The following CROCC2 variants were observed in gnomAD, a reference collection of about 807,000 sequenced individuals.
CROCC2 encodes the protein ciliary rootlet coiled-coil, rootletin family member 2, also known as ciliary rootlet coiled-coil protein 2.
A neutral mutation model predicts 177.6 loss-of-function variants in CROCC2; 163 were observed. The ratio of observed to expected loss-of-function variants is 0.92; its 90% confidence interval spans 0.81 to 1.05. The LOEUF is 1.05. CROCC2 is among the 50% of genes least tolerant of loss of function. The pLI, the probability that CROCC2 is intolerant of heterozygous loss-of-function variation, is 0.00. For missense variants in CROCC2, 1,929 were observed against 1,797.8 expected, an observed-to-expected ratio of 1.07 and a Z score of -1.32; for synonymous variants, 904 against 787.3, an observed-to-expected ratio of 1.15 and a Z score of -2.48.
chr2:240,991,175 G>T, intron 30 of CROCC2, 21 bp from the exon 31 acceptor site: 1 of 1,523,254 alleles, frequency 6.6e-7, no homozygotes, highest in South Asian at 1.3e-5. Flanking sequence ...CACCTGACCT[G>T]AGCCACTGTC....
intron 21 of CROCC2, 81 bp downstream of exon 21, chr2:240,963,854 G>A: frequency 7.0e-7 from 1 of 1,430,492 alleles, no homozygotes; most frequent in Non-Finnish European, 9.5e-7. Context: ...GGGGCAAGGG[G>A]GCTAGGCAGG....
chr2:240,954,048 T>C (rs7585067), intron 18 of CROCC2, among the ~76,000 whole-genome samples: 104,633 of 152,096 alleles, frequency 0.69, 36,952 homozygotes, highest in African/African-American at 0.84. Context: ...AGGGCAGATT[T>C]ATAAACAGCC....
chr2:240,935,380 T>C lies in CROCC2; in HGVS notation c.1961T>C (p.Leu654Pro). The C allele has an allele frequency of 7.4e-7, 1 of 1,356,888 alleles. No individual in the cohort carries two copies. Among genetic ancestry groups the C allele is most frequent in the Non-Finnish European group, 9.5e-7 (1 of 1,048,262 alleles). The allele number at this position is 1,356,888 out of a possible 1,614,324, so 84.1% of individuals were successfully genotyped here. Residue 654 changes from leucine (L) to proline (P), a missense_variant, in exon 14 of 32, where the codon CTG (leucine) becomes CCG (proline). Physicochemically the swap from Leu to Pro is moderately conservative, Grantham distance 98. Transcript: ENST00000690015. The part of the protein sequence containing the change: ...ALQLEQERDQ[L>P]REQRKTLEQE... ...CAGCTGGAGCAGGAGCGGGACCAGC[T>C]GCGGGAACAGCGGAAGACTCTGGAG... is the stretch of plus-strand genomic sequence containing the variant.
Position 240,993,270 on chromosome 2 carries a change from G to C in CROCC2, c.*189G>C. 2 of 539,814 alleles carry C rather than the reference G, an allele frequency of 3.7e-6. No homozygotes were observed. The highest frequency in any genetic ancestry group is 6.7e-6 in the Non-Finnish European group (2 of 297,460). The allele number at this position is 539,814 out of a possible 1,614,324, so 33.4% of individuals were successfully genotyped here. A position where few individuals can be genotyped will look rare whatever the true frequency, so the allele number is the denominator to read the frequency against. On this transcript the variant is annotated 3_prime_UTR_variant, in exon 32 of 32. Coordinates refer to ENST00000690015, the MANE Select transcript of CROCC2 (RefSeq NM_001351305.2). ...GGGAACATTTGAAATGCATGTGGGG[G>C]CCTCCGAATTTTGAATTTTAATAAA...
intron 26 of CROCC2, 156 bp downstream of exon 26, chr2:240,967,621 G>A: frequency 1.0e-6 from 1 of 976,964 alleles, no homozygotes; most frequent in Non-Finnish European, 1.2e-6. Context: ...GCCTGGCGAG[G>A]CTGGGTCAGC....
Position 240,917,746 on chromosome 2 carries a change from C to A in CROCC2, c.79-980C>A, listed in dbSNP as rs2059329632. 6.6e-6 allele frequency among the ~76,000 whole-genome samples: 1 copy of A among 152,180 alleles called. No homozygotes were observed. The highest frequency in any genetic ancestry group is 2.1e-4 in the South Asian group (1 of 4,836). ...TCACCCTTTAGTAGTTAATTCACTG[C>A]CTGAAATTCAGATATCCTTAAGGCA... On this transcript the variant is annotated intron_variant, in intron 1 of 31. Transcript: ENST00000690015. This position sits in a 1 kb window ranked among gnomAD's most constrained non-coding sequence, Gnocchi z 4.9.
Position 240,918,752 on chromosome 2 carries a change from C to T in CROCC2, c.105C>T (p.Pro35=), listed in dbSNP as rs1422536419. The change falls in exon 2 of 32, where the codon CCC becomes CCT. Residue 35 remains proline (P), a synonymous_variant. Transcript: ENST00000690015. The surrounding 1 kb of genome is among the most constrained non-coding windows in gnomAD (Gnocchi z 6.3). The stretch of plus-strand genomic sequence containing the variant: ...GACTGGAGGACACCATCCTGAGTCC[C>T]ACAGCCAGCAGGGAAGACCGGGCGC... ...IQRLEDTILS[P]TASREDRALT... is the part of the protein sequence containing the mutation. 3.5e-6 allele frequency: 2 copies of T among 578,456 alleles called. No homozygotes were observed. Among genetic ancestry groups the T allele is most frequent in the Non-Finnish European group, 6.3e-6 (2 of 319,136 alleles). 35.8% of individuals were successfully genotyped at this position (578,456 alleles called of 1,614,324 possible).
intron 18 of CROCC2, chr2:240,955,645 G>A (rs1390110167): frequency 1.5e-5 from 8 of 528,112 alleles, no homozygotes; most frequent in African/African-American, 1.9e-5. Flanking sequence ...GAGGGCAGGC[G>A]CTCAGAGGGT....
chr2:240,928,385 C>T (rs2059406637), intron 5 of CROCC2, among the ~76,000 whole-genome samples: 2 of 150,844 alleles, frequency 1.3e-5, no homozygotes, highest in South Asian at 4.2e-4. Context: ...AGGCAGTTTT[C>T]CTTATAATCT....
chr2:240,925,478 CGCAGGGAG>C (rs1375666982), intron 4 of CROCC2, among the ~76,000 whole-genome samples: 1 of 152,206 alleles, frequency 6.6e-6, no homozygotes, highest in Admixed American at 6.5e-5. Flanking sequence ...GGGCAGATAT[CGCAGGGAG>C]GCAGGAGGGC....
intron 14 of CROCC2, among the ~76,000 whole-genome samples, chr2:240,936,228 A>G (rs1378674012): frequency 1.3e-5 from 2 of 152,186 alleles, no homozygotes; most frequent in East Asian, 3.8e-4. Context: ...GTCAGTGTAC[A>G]GTATCAATGA....
chr2:240,989,543 G>C (rs1385250630), intron 29 of CROCC2, 111 bp from the exon 30 acceptor site: 2 of 1,053,288 alleles, frequency 1.9e-6, no homozygotes, highest in African/African-American at 3.2e-5. Flanking sequence ...CACCGGCAGA[G>C]GGCAGTGGGG....
At chr2:240,944,960 A>T (rs1261518042) in intron 14 of CROCC2, among the ~76,000 whole-genome samples, 1 of 152,052 alleles carries the variant, frequency 6.6e-6, no homozygotes, top group Non-Finnish European at 1.5e-5. Context: ...TTTTTGAGAG[A>T]GGGTCTCACT....
intron 20 of CROCC2, 77 bp downstream of exon 20, chr2:240,959,521 AGTGG>A: frequency 6.7e-7 from 1 of 1,483,892 alleles, no homozygotes; most frequent in Non-Finnish European, 9.0e-7. Flanking sequence ...GAGAGGAGAG[AGTGG>A]GGGTGCCAGG....
At chr2:240,983,497 G>T (rs1439991623) in intron 28 of CROCC2, 1 of 1,245,050 alleles carries the variant, frequency 8.0e-7, no homozygotes, top group African/African-American at 1.6e-5. Context: ...GGCGCGTCCT[G>T]CAGGAGCAGA....
chr2:240,933,311 C>T lies in CROCC2; in HGVS notation c.1432C>T (p.Gln478Ter). 6.5e-7 allele frequency: 1 copy of T among 1,536,206 alleles called. No individual in the cohort carries two copies. Among genetic ancestry groups the T allele is most frequent in the Non-Finnish European group, 8.8e-7 (1 of 1,142,776 alleles). Residue 478 changes from glutamine (Q) to a stop codon, truncating the protein, a stop_gained, in exon 10 of 32, where the codon CAG becomes TAG. Transcript: ENST00000690015. LOFTEE classifies it high-confidence loss of function. ...GGAGGCCCAGAGGCTCGAGGTGCAG[C>T]AGTGCCGGGCATCCTGCAAGCTCCT... is the stretch of plus-strand genomic sequence containing the variant. Reference protein sequence around the residue: ...QLEAQRLEVQQCRASCKLLGR... With the variant: ...QLEAQRLEVQ
At chr2:240,983,297 A>C in intron 28 of CROCC2, 1 of 1,086,300 alleles carries the variant, frequency 9.2e-7, no homozygotes, top group Non-Finnish European at 1.3e-6. Context: ...ACAACAGAGG[A>C]GTCAGCTGTG....
rs570403608 is a variant in CROCC2, at chr2:240,988,808, C to T, written c.4621C>T (p.Gln1541Ter). 133 of 1,518,346 alleles carry T rather than the reference C, an allele frequency of 8.8e-5. 4 individuals are homozygous for T. In the South Asian group the frequency reaches 1.6e-3, roughly 19 times the overall value. 94.1% of individuals were successfully genotyped at this position (1,518,346 alleles called of 1,614,324 possible). A position where few individuals can be genotyped will look rare whatever the true frequency, so the allele number is the denominator to read the frequency against. ...RLGAEKEQLD[Q>*]SLNSLHQEVD... is the part of the protein sequence containing the mutation. ...GGGGGCTGAGAAGGAGCAGCTGGAC[C>T]AGTCTCTGAACAGCCTGCACCAGGA... Residue 1541 changes from glutamine to a stop codon, truncating the protein, a stop_gained, in exon 29 of 32, where the codon CAG becomes TAG. Transcript: ENST00000690015. LOFTEE classifies it high-confidence loss of function.
intron 29 of CROCC2, among the ~76,000 whole-genome samples, chr2:240,989,371 C>T (rs1308327797): frequency 6.6e-6 from 1 of 152,166 alleles, no homozygotes; most frequent in African/African-American, 2.4e-5. Flanking sequence ...CTCCGGACAC[C>T]CAGCCCAGCC....
Sources: gnomAD v4.1 joint callset for allele counts (sites outside exome capture counted in the v4.1 genomes callset) on GRCh38, gnomAD v4.1.1 for gene constraint, Gnocchi (gnomAD v3.1) non-coding constraint, MANE v1.5 for transcripts, NCBI Gene and HGNC (gene_info 2026-07-23, HGNC 2026-07-21) for gene names.